The following LAMB2 variants were observed in gnomAD, a reference collection of about 807,000 sequenced individuals.
LAMB2 encodes laminin subunit beta-2.
A neutral mutation model predicts 202.7 loss-of-function variants in LAMB2; 119 were observed. The observed-to-expected ratio is 0.59, with a 90% CI of 0.51 to 0.68. LAMB2 has a LOEUF of 0.68. Ranked by LOEUF, LAMB2 falls within the 30% of genes least tolerant of loss-of-function variation. LAMB2 has a pLI of 0.00. For missense variants in LAMB2, 2,124 were observed against 2,410.6 expected (o/e 0.88, Z 2.49); for synonymous variants, 818 against 902.2 (o/e 0.91, Z 1.67).
rs745602050 is a variant in LAMB2 at position 49,124,408 on chromosome 3, G to A, written c.3314C>T (p.Pro1105Leu). 4 of 1,613,466 alleles carry A rather than the reference G, an allele frequency of 2.5e-6. No homozygotes were observed. The African/African-American group carries it at 5.3e-5, about 22-fold the overall frequency. ...CACHPSRARG[P>L]TCNEFTGQCH... ...AGGGTCCCATACCTCGTTGCAGGTG[G>A]GGCCTCTGGCCCGGCTTGGGTGGCA... The change falls in exon 22 of 32, where the codon CCC becomes CTC. Residue 1105 changes from proline to leucine, a missense_variant. Physicochemically the swap from Pro to Leu is moderately conservative, Grantham distance 98. This residue lies in a region of LAMB2 where 1,702 missense variants were observed against 1,896.3 expected (regional missense o/e 0.90). Coordinates refer to ENST00000305544, the MANE Select transcript of LAMB2 (RefSeq NM_002292.4).
rs1433943177 is a variant in LAMB2, at chr3:49,126,003, T to G, written c.2308A>C (p.Ile770Leu). Residue 770 changes from isoleucine to leucine, a missense_variant, in exon 17 of 32, where the codon ATC becomes CTC. Coordinates refer to ENST00000305544, the MANE Select transcript of LAMB2 (RefSeq NM_002292.4). ...SPSEACAPLL[I>L]SLSTLIYNGA... is the part of the protein sequence containing the mutation. ...TTGTAGATGAGGGTGGACAGGCTGATGAGGAGGGGTGCGCAGGCCTCAGAG... is the reference window on the plus strand; with the variant it reads ...TTGTAGATGAGGGTGGACAGGCTGAGGAGGAGGGGTGCGCAGGCCTCAGAG... 6.2e-7 allele frequency: 1 copy of G among 1,614,002 alleles called. No individual in the cohort carries two copies. Among genetic ancestry groups the G allele is most frequent in the Non-Finnish European group, 8.5e-7 (1 of 1,180,020 alleles).
At chr3:49,122,624 A>G in intron 27 of LAMB2, 80 bp downstream of exon 27, 3 of 1,227,214 alleles carry the variant, frequency 2.4e-6, no homozygotes, top group South Asian at 1.2e-5. Context: ...CTGAGGCTCA[A>G]GTATGAACCA....
intron 24 of LAMB2, 33 bp downstream of exon 24, chr3:49,123,695 C>T (rs201134415): frequency 2.1e-4 from 341 of 1,613,582 alleles, no homozygotes; most frequent in Middle Eastern, 4.9e-4. Context: ...GCCTCTGCCC[C>T]ATCCCACCAT....
At position 49,129,623 on chromosome 3, in the gene LAMB2, CG is replaced by C; in HGVS notation, c.1498del (p.Arg500ValfsTer13). The C allele has an allele frequency of 6.2e-7, 1 of 1,613,900 alleles. No individual in the cohort carries two copies. The highest frequency in any genetic ancestry group is 8.5e-7 in the Non-Finnish European group (1 of 1,179,768). The stretch of plus-strand genomic sequence containing the variant: ...TCGCACCAGGCAGCGGTCACATCCA[CG>C]TCCAGTCACTAGACGTTTGCAGTAA... ...SCYCKRLVTG[R>X]GCDRCLPGHW... On this transcript the variant is annotated frameshift_variant, in exon 11 of 32. Coordinates refer to ENST00000305544, the MANE Select transcript of LAMB2 (RefSeq NM_002292.4). LOFTEE classifies it high-confidence loss of function. The surrounding 1 kb of genome is among the most constrained non-coding windows in gnomAD (Gnocchi z 6.1).
At position 49,132,823 on chromosome 3, in the gene LAMB2, G is replaced by A. The variant is rs1364537702; in HGVS notation, c.45C>T (p.Pro15=). 1.2e-6 allele frequency: 2 copies of A among 1,614,178 alleles called. No homozygotes were observed. Among genetic ancestry groups the A allele is most frequent in the Non-Finnish European group, 1.7e-6 (2 of 1,180,034 alleles). The change falls in exon 1 of 32, where the codon CCC becomes CCT. Residue 15 remains proline (P), a synonymous_variant. Transcript: ENST00000305544. The surrounding 1 kb of genome is among the most constrained non-coding windows in gnomAD (Gnocchi z 4.6). The part of the protein sequence containing the change: ...SRERGRGQPL[P]WELRLGLLLS... ...GCAGTAGGCCCAGTCGAAGTTCCCA[G>A]GGCAGAGGCTGTCCCCTCCCTCTTT...
At position 49,122,377 on chromosome 3, in the gene LAMB2, G is replaced by A. The variant is rs939775453; in HGVS notation, c.4574-7C>T. 1 of 1,612,146 alleles carries A rather than the reference G, an allele frequency of 6.2e-7. No individual in the cohort carries two copies. Among genetic ancestry groups the A allele is most frequent in the Non-Finnish European group, 8.5e-7 (1 of 1,179,262 alleles). ...TCAGGATCAGCCCCCTCCTCTATAG[G>A]GACACAGCAAGAACTTAAGAACATA... On this transcript the variant is annotated splice_polypyrimidine_tract_variant and splice_region_variant and intron_variant, in intron 27 of 31. Transcript: ENST00000305544.
chr3:49,127,596 G>A (rs1158677371), intron 15 of LAMB2, among the ~76,000 whole-genome samples: 1 of 151,994 alleles, frequency 6.6e-6, no homozygotes, highest in Non-Finnish European at 1.5e-5. Flanking sequence ...TTGGGAGGCT[G>A]AGGCAGGAGA....
chr3:49,126,208 G>C (rs1428182607), intron 16 of LAMB2, 49 bp from the exon 17 acceptor site: 5 of 1,607,430 alleles, frequency 3.1e-6, no homozygotes, highest in Non-Finnish European at 4.2e-6. Context: ...GGACCACGTA[G>C]GCATTGCCAG....
rs757868826 is a variant in LAMB2 at position 49,122,319 on chromosome 3, T to C, written c.4625A>G (p.Glu1542Gly). The C allele has an allele frequency of 6.2e-7, 1 of 1,613,500 alleles. No homozygotes were observed. Among genetic ancestry groups the C allele is most frequent in the Non-Finnish European group, 8.5e-7 (1 of 1,180,030 alleles). Residue 1542 changes from glutamate (E) to glycine (G), a missense_variant, in exon 28 of 32, where the codon GAG (glutamate) becomes GGG (glycine). By Grantham distance (98) the Glu-to-Gly change is moderately conservative. Around this residue, in one of 3 missense-constraint regions of LAMB2, gnomAD observed 1,702 missense variants for 1,896.3 expected, o/e 0.90. Coordinates refer to ENST00000305544, the MANE Select transcript of LAMB2 (RefSeq NM_002292.4). Reference sequence around the variant, plus strand: ...CTCAGCTGAAGCTGGGATGGAGAGCTCTAGCACCCGTGTGGCCACCATTTC... The same window carrying C: ...CTCAGCTGAAGCTGGGATGGAGAGCCCTAGCACCCGTGTGGCCACCATTTC... ...SIEMVATRVL[E>G]LSIPASAEQI...
rs765259557 is a variant in LAMB2, at chr3:49,122,935, T to C, written c.4342A>G (p.Thr1448Ala). Residue 1448 changes from threonine (T) to alanine (A), a missense_variant, in exon 27 of 32, where the codon ACA (threonine) becomes GCA (alanine). By Grantham distance (58) the Thr-to-Ala change is moderately conservative. Transcript: ENST00000305544. ...GCCCGGCCCAGTGCTAGGTCTGCTG[T>C]AGCCGCTGCCCCATTGCAGCTGAGG... ...GGLSCNGAAA[T>A]ADLALGRARH... 6.2e-7 allele frequency: 1 copy of C among 1,608,864 alleles called. No individual in the cohort carries two copies. Among genetic ancestry groups the C allele is most frequent in the South Asian group, 1.1e-5 (1 of 91,072 alleles).
intron 15 of LAMB2, among the ~76,000 whole-genome samples, chr3:49,127,330 T>A (rs964411529): frequency 7.2e-5 from 11 of 152,090 alleles, no homozygotes; most frequent in Non-Finnish European, 1.3e-4. Context: ...TGGCAAAATG[T>A]CTATAATGGG....
At position 49,129,530 on chromosome 3, in the gene LAMB2, A is replaced by G; in HGVS notation, c.1518+74T>C. The stretch of plus-strand genomic sequence containing the variant: ...AAGCTCTCAGCACCCACCCACTGGC[A>G]TAGATGTGACACCCCAGCCCTGTGC... On this transcript the variant is annotated intron_variant, in intron 11 of 31. Coordinates refer to ENST00000305544, the MANE Select transcript of LAMB2 (RefSeq NM_002292.4). The surrounding 1 kb of genome is among the most constrained non-coding windows in gnomAD (Gnocchi z 6.1). 4 of 1,297,372 alleles carry G rather than the reference A, an allele frequency of 3.1e-6. No homozygotes were observed. The South Asian group carries it at 3.7e-5, about 12-fold the overall frequency. The allele number at this position is 1,297,372 out of a possible 1,614,324, so 80.4% of individuals were successfully genotyped here.
chr3:49,129,512 C>T lies in LAMB2; in HGVS notation c.1518+92G>A. ...CAGCCAGGACTGGATCCTAAGCTCT[C>T]AGCACCCACCCACTGGCATAGATGT... On this transcript the variant is annotated intron_variant, in intron 11 of 31. Transcript: ENST00000305544. This position sits in a 1 kb window ranked among gnomAD's most constrained non-coding sequence, Gnocchi z 6.1. 3 of 1,187,514 alleles carry T rather than the reference C, an allele frequency of 2.5e-6. No individual in the cohort carries two copies. The highest frequency in any genetic ancestry group is 2.6e-5 in the South Asian group (2 of 78,234). 73.6% of individuals were successfully genotyped at this position (1,187,514 alleles called of 1,614,324 possible).
In LAMB2 at chr3:49,121,834, C is replaced by T. The variant is rs1045506782; in HGVS notation, c.4950G>A (p.Glu1650=). The T allele has an allele frequency of 1.2e-6, 2 of 1,613,120 alleles. No individual in the cohort carries two copies. The highest frequency in any genetic ancestry group is 3.3e-5 in the Admixed American group (2 of 60,032). Residue 1650 remains glutamate, a synonymous_variant, in exon 30 of 32, where the codon GAG becomes GAA. Coordinates refer to ENST00000305544, the MANE Select transcript of LAMB2 (RefSeq NM_002292.4). ...TTTCACCTGCAGAGCTCAGTGCCCG[C>T]TCTGCACCTGCCATCCTCTCCTGTA... The part of the protein sequence containing the change: ...YQVQERMAGA[E]RALSSAGERA...
At chr3:49,121,388 G>A in intron 31 of LAMB2, 26 bp from the exon 32 acceptor site, 5 of 1,614,100 alleles carry the variant, frequency 3.1e-6, no homozygotes, top group Non-Finnish European at 4.2e-6. Flanking sequence ...GTCAGTTTAG[G>A]GGGGGTTTCC....
In LAMB2 at chr3:49,128,524, T is replaced by G; in HGVS notation, c.1952A>C (p.His651Pro). 1 of 1,614,204 alleles carries G rather than the reference T, an allele frequency of 6.2e-7. No homozygotes were observed. Among genetic ancestry groups the G allele is most frequent in the Admixed American group, 1.7e-5 (1 of 60,034 alleles). Residue 651 changes from histidine (H) to proline (P), a missense_variant, in exon 15 of 32, where the codon CAC (histidine) becomes CCC (proline). By Grantham distance (77) the His-to-Pro change is moderately conservative (BLOSUM62 -2). Transcript: ENST00000305544. ...GGGCACCAAATGCCCACACAGGCTG[T>G]GGGCAGGCACAGGCCCTGGACGCTG... is the stretch of plus-strand genomic sequence containing the variant. ...IVQRPGPVPA[H>P]SLCGHLVPKD...
At chr3:49,125,924 G>T in intron 17 of LAMB2, 34 bp from the exon 18 acceptor site, 1 of 1,614,102 alleles carries the variant, frequency 6.2e-7, no homozygotes, top group Non-Finnish European at 8.5e-7. Flanking sequence ...AGTCAGGCTG[G>T]GTCCCCACCT....
Position 49,122,769 on chromosome 3 carries a change from C to G in LAMB2, c.4508G>C (p.Gly1503Ala), listed in dbSNP as rs1243974225. 1.2e-6 allele frequency: 2 copies of G among 1,614,098 alleles called. No individual in the cohort carries two copies. The highest frequency in any genetic ancestry group is 1.7e-6 in the Non-Finnish European group (2 of 1,180,018). Residue 1503 changes from glycine (G) to alanine (A), a missense_variant, in exon 27 of 32, where the codon GGA becomes GCA. This residue lies in a region of LAMB2 where 1,702 missense variants were observed against 1,896.3 expected (regional missense o/e 0.90). Coordinates refer to ENST00000305544, the MANE Select transcript of LAMB2 (RefSeq NM_002292.4). ...AALDKANASR[G>A]QVEQANQELQ... is the part of the protein sequence containing the mutation. ...TTCCTGGTTGGCCTGTTCCACCTGTCCCCTGGAAGCATTAGCCTTGTCCAG... is the reference window on the plus strand; with the variant it reads ...TTCCTGGTTGGCCTGTTCCACCTGTGCCCTGGAAGCATTAGCCTTGTCCAG...
Position 49,129,762 on chromosome 3 carries a change from G to A in LAMB2, c.1406-46C>T, listed in dbSNP as rs762603590. The A allele has an allele frequency of 6.2e-6, 10 of 1,608,186 alleles. No homozygotes were observed. The highest frequency in any genetic ancestry group is 6.0e-6 in the Non-Finnish European group (7 of 1,174,866). ...CAGCACTTTGGGAAACTGTGGCAGT[G>A]CTCATGTTCAGCTGAGTCAGGAGTA... is the stretch of plus-strand genomic sequence containing the variant. On this transcript the variant is annotated intron_variant, in intron 10 of 31. Transcript: ENST00000305544. The surrounding 1 kb of genome is among the most constrained non-coding windows in gnomAD (Gnocchi z 6.1).
Sources: gnomAD v4.1 joint callset for allele counts (sites outside exome capture counted in the v4.1 genomes callset) on GRCh38, gnomAD v4.1.1 for gene constraint, gnomAD v4.1.1 regional missense constraint, Gnocchi (gnomAD v3.1) non-coding constraint, MANE v1.5 for transcripts, NCBI Gene and HGNC (gene_info 2026-07-23, HGNC 2026-07-21) for gene names.